The following PBX1 variants were observed in gnomAD, a reference collection of about 807,000 sequenced individuals.
The protein encoded by PBX1 is PBX homeobox 1.
In PBX1, 6 loss-of-function variants were observed where a neutral mutation model predicts 53.4. The observed-to-expected ratio is 0.11, with a 90% CI of 0.06 to 0.22. PBX1 has a LOEUF of 0.22. Among genes scored for constraint, PBX1 ranks in the 10% least tolerant of loss-of-function variants. The pLI, the probability that PBX1 is intolerant of heterozygous loss-of-function variation, is 1.00. For missense variants in PBX1, 251 were observed against 551.4 expected (o/e 0.46, Z 5.46); for synonymous variants, 204 against 212.3 (o/e 0.96, Z 0.34).
chr1:164,697,186 A>C (rs909999117), intron 2 of PBX1, among the ~76,000 whole-genome samples: 8 of 152,172 alleles, frequency 5.3e-5, no homozygotes, highest in African/African-American at 1.9e-4. Context: ...ATGTATTTTC[A>C]TTGTCCCTGT....
chr1:164,870,158 TATTCTC>T (rs1220695952), intron 2 of PBX1, among the ~76,000 whole-genome samples: 1 of 152,144 alleles, frequency 6.6e-6, no homozygotes, highest in African/African-American at 2.4e-5. Context: ...TAACTTTAAT[TATTCTC>T]ATTCTAAAAT....
chr1:164,559,649 C>T lies in PBX1; in HGVS notation c.-174C>T, dbSNP rs1652874608. ...TCCCCCTCCTCATCCTCCCACCATC[C>T]TCTAAAGAGGCAAAGGGATTTTTTT... On this transcript the variant is annotated 5_prime_UTR_variant, in exon 1 of 9. Transcript: ENST00000420696. 4.6e-6 allele frequency: 2 copies of T among 438,906 alleles called. No individual in the cohort carries two copies. Among genetic ancestry groups the T allele is most frequent in the South Asian group, 7.4e-5 (2 of 27,098 alleles). 27.2% of individuals were successfully genotyped at this position (438,906 alleles called of 1,614,324 possible). A position where few individuals can be genotyped will look rare whatever the true frequency, so the allele number is the denominator to read the frequency against.
At chr1:164,715,544 A>G (rs1422450040) in intron 2 of PBX1, among the ~76,000 whole-genome samples, 1 of 152,156 alleles carries the variant, frequency 6.6e-6, no homozygotes, top group Non-Finnish European at 1.5e-5. Context: ...AAGAGACAGG[A>G]CCATGCTGGG....
intron 8 of PBX1, among the ~76,000 whole-genome samples, chr1:164,846,230 C>T (rs12048214): frequency 0.44 from 66,937 of 151,930 alleles, 15,419 homozygotes; most frequent in African/African-American, 0.55. Flanking sequence ...GCTTTACCAT[C>T]GACATTAGCT....
At chr1:164,869,724 AGAG>A (rs1672305053) in intron 2 of PBX1, among the ~76,000 whole-genome samples, 1 of 152,260 alleles carries the variant, frequency 6.6e-6, no homozygotes, top group Admixed American at 6.5e-5. Flanking sequence ...AAATATCAGC[AGAG>A]AAGAAACAGG....
At chr1:164,622,555 A>T (rs530307052) in intron 2 of PBX1, among the ~76,000 whole-genome samples, 2 of 152,280 alleles carry the variant, frequency 1.3e-5, no homozygotes, top group African/African-American at 4.8e-5. Context: ...TAAGCACTTG[A>T]TGTGCACATG....
chr1:164,678,495 C>T (rs1571205401), intron 2 of PBX1, among the ~76,000 whole-genome samples: 1 of 152,154 alleles, frequency 6.6e-6, no homozygotes, highest in East Asian at 1.9e-4. Context: ...ATGAGCAGAG[C>T]CATTGGCCTT....
At chr1:164,864,579 T>G (rs1672173215) in intron 2 of PBX1, among the ~76,000 whole-genome samples, 1 of 152,132 alleles carries the variant, frequency 6.6e-6, no homozygotes, top group African/African-American at 2.4e-5. Context: ...ACCTATAAAC[T>G]TCAGGGATGG....
chr1:164,621,709 C>T (rs561037840), intron 2 of PBX1, among the ~76,000 whole-genome samples: 19 of 152,282 alleles, frequency 1.2e-4, no homozygotes, highest in African/African-American at 4.3e-4. Flanking sequence ...AGTTTCTTAA[C>T]TCCTTTGAGA....
At chr1:164,619,604 G>C (rs1433092834) in intron 2 of PBX1, among the ~76,000 whole-genome samples, 1 of 152,048 alleles carries the variant, frequency 6.6e-6, no homozygotes, top group Non-Finnish European at 1.5e-5. Context: ...ACAGGGAGCA[G>C]TTCACCTCCC....
chr1:164,591,477 A>G (rs762838618), intron 2 of PBX1, among the ~76,000 whole-genome samples: 1 of 152,336 alleles, frequency 6.6e-6, no homozygotes, highest in South Asian at 2.1e-4. Flanking sequence ...CTGTAACTAT[A>G]TTAGTAGCAC....
chr1:164,617,453 A>G (rs1657356022), intron 2 of PBX1, among the ~76,000 whole-genome samples: 1 of 152,206 alleles, frequency 6.6e-6, no homozygotes. Flanking sequence ...AGTAGTTTAA[A>G]ACAGCATTTC....
chr1:164,847,139 T>G lies in PBX1; in HGVS notation c.*463T>G. 4 of 1,090,142 alleles carry G rather than the reference T, an allele frequency of 3.7e-6. No individual in the cohort carries two copies. The highest frequency in any genetic ancestry group is 4.5e-6 in the Non-Finnish European group (4 of 891,744). The allele number at this position is 1,090,142 out of a possible 1,614,324, so 67.5% of individuals were successfully genotyped here. On this transcript the variant is annotated 3_prime_UTR_variant, in exon 9 of 9. Coordinates refer to ENST00000420696, the MANE Select transcript of PBX1 (RefSeq NM_002585.4). ...CCTCACTCCCTATGTTAACAGGCAA[T>G]CCTTCTCTGTTTCTCTTATTACTCT...
At chr1:164,703,205 A>T (rs1663233528) in intron 2 of PBX1, 1 of 152,030 alleles carries the variant, frequency 6.6e-6, no homozygotes, top group Non-Finnish European at 1.5e-5. Flanking sequence ...CTGAGTGTGG[A>T]CACCCAATTG....
intron 2 of PBX1, among the ~76,000 whole-genome samples, chr1:164,660,035 A>G (rs1311290930): frequency 6.6e-6 from 1 of 152,224 alleles, no homozygotes; most frequent in Non-Finnish European, 1.5e-5. Flanking sequence ...GTTTGCAACC[A>G]AAAACCTTGA....
At chr1:164,826,891 C>A (rs1670496732) in intron 8 of PBX1, among the ~76,000 whole-genome samples, 2 of 152,104 alleles carry the variant, frequency 1.3e-5, no homozygotes, top group South Asian at 4.1e-4. Context: ...AAAAAAAACT[C>A]ATTAATCTTG....
At chr1:164,810,617 A>G (rs762716207) in intron 5 of PBX1, among the ~76,000 whole-genome samples, 1 of 151,914 alleles carries the variant, frequency 6.6e-6, no homozygotes, top group Non-Finnish European at 1.5e-5. Context: ...TTCTTTTCCT[A>G]TCCCATAAAT....
chr1:164,864,248 C>T (rs541553834), intron 2 of PBX1, among the ~76,000 whole-genome samples: 35 of 152,086 alleles, frequency 2.3e-4, no homozygotes, highest in African/African-American at 8.2e-4. Context: ...TGTTAGTTTC[C>T]CATACCTCCC....
chr1:164,703,055 A>G (rs1463902011), intron 2 of PBX1: 1 of 152,162 alleles, frequency 6.6e-6, no homozygotes, highest in Non-Finnish European at 1.5e-5. Context: ...GTTGTCAGGC[A>G]AGAGTGCTGT....
Sources: gnomAD v4.1 joint callset for allele counts (sites outside exome capture counted in the v4.1 genomes callset) on GRCh38, gnomAD v4.1.1 for gene constraint, MANE v1.5 for transcripts, NCBI Gene and HGNC (gene_info 2026-07-23, HGNC 2026-07-21) for gene names.